The following CHP1 variants were observed in gnomAD, a reference collection of about 807,000 sequenced individuals.
CHP1 encodes the protein calcineurin like EF-hand protein 1, also known as calcineurin B homologous protein 1.
Under a neutral mutation model 27.4 loss-of-function variants are expected in CHP1, and 11 were observed. The observed-to-expected ratio is 0.40, with a 90% confidence interval of 0.25 to 0.67. CHP1 has a LOEUF of 0.67. Ranked by LOEUF, CHP1 falls within the 30% of genes least tolerant of loss-of-function variation. The pLI, the probability that CHP1 is intolerant of heterozygous loss-of-function variation, is 0.38. For missense variants in CHP1, 169 were observed against 251.3 expected (o/e 0.67, Z 2.22); for synonymous variants, 89 against 87.4 (o/e 1.02, Z -0.10).
chr15:41,252,165 G>C (rs1049845515), intron 2 of CHP1, among the ~76,000 whole-genome samples: 15 of 151,626 alleles, frequency 9.9e-5, no homozygotes, highest in African/African-American at 3.6e-4. Context: ...AAAATGGAAA[G>C]CTGTATTTTC....
In CHP1 at chr15:41,231,280, G is replaced by A. The variant is rs950552107; in HGVS notation, c.-103G>A. 1 of 1,179,922 alleles carries A rather than the reference G, an allele frequency of 8.5e-7. No individual in the cohort carries two copies. The highest frequency in any genetic ancestry group is 1.2e-6 in the Non-Finnish European group (1 of 814,736). 73.1% of individuals were successfully genotyped at this position (1,179,922 alleles called of 1,614,324 possible). Reference sequence around the variant, plus strand: ...CTCCCGGGTCCGCAGTGGAAACACTGCCCTCTCCCTTCTTGACCCCTAGCC... The same window carrying A: ...CTCCCGGGTCCGCAGTGGAAACACTACCCTCTCCCTTCTTGACCCCTAGCC... On this transcript the variant is annotated 5_prime_UTR_variant, in exon 1 of 7. Coordinates refer to ENST00000334660, the MANE Select transcript of CHP1 (RefSeq NM_007236.5).
intron 2 of CHP1, among the ~76,000 whole-genome samples, chr15:41,252,919 T>C (rs918781411): frequency 8.6e-5 from 13 of 150,674 alleles, no homozygotes; most frequent in African/African-American, 2.4e-4. Flanking sequence ...AAATCTGTAT[T>C]TCACATGGTT....
At chr15:41,273,567 G>A (rs1444484488) in intron 5 of CHP1, among the ~76,000 whole-genome samples, 2 of 151,826 alleles carry the variant, frequency 1.3e-5, no homozygotes, top group Non-Finnish European at 2.9e-5. Flanking sequence ...TTTTAGTAGA[G>A]ACGGGGTTTC....
At chr15:41,234,310 TA>T (rs903868781) in intron 1 of CHP1, 18 of 152,176 alleles carry the variant, frequency 1.2e-4, no homozygotes, top group African/African-American at 4.3e-4. Flanking sequence ...TTTTGAAGAA[TA>T]AAAACGGATA....
intron 1 of CHP1, among the ~76,000 whole-genome samples, chr15:41,235,515 G>A (rs1310410750): frequency 1.3e-5 from 2 of 151,864 alleles, no homozygotes; most frequent in Admixed American, 6.6e-5. Flanking sequence ...AACAGACCCT[G>A]TCTCAAAAAA....
intron 3 of CHP1, among the ~76,000 whole-genome samples, chr15:41,258,574 A>G (rs2047414774): frequency 6.6e-6 from 1 of 152,124 alleles, no homozygotes; most frequent in Non-Finnish European, 1.5e-5. Context: ...TTCTCACCAC[A>G]TATGCTTTGT....
intron 4 of CHP1, among the ~76,000 whole-genome samples, chr15:41,264,410 T>G (rs2047450243): frequency 6.6e-6 from 1 of 152,078 alleles, no homozygotes; most frequent in Non-Finnish European, 1.5e-5. Context: ...AATAACAAAG[T>G]GCTATGCAGG....
intron 2 of CHP1, among the ~76,000 whole-genome samples, chr15:41,252,746 G>A (rs2047376288): frequency 6.6e-6 from 1 of 151,910 alleles, no homozygotes; most frequent in Non-Finnish European, 1.5e-5. Context: ...CTCCCCATTG[G>A]AAATTTCTTG....
chr15:41,231,695 G>T (rs1199667805), intron 1 of CHP1, among the ~76,000 whole-genome samples: 2 of 151,952 alleles, frequency 1.3e-5, no homozygotes, highest in Non-Finnish European at 2.9e-5. Context: ...GTAGAGCGTC[G>T]ACGCCCCCCT....
intron 5 of CHP1, among the ~76,000 whole-genome samples, chr15:41,274,446 A>C (rs2047508647): frequency 6.6e-6 from 1 of 152,122 alleles, no homozygotes; most frequent in Non-Finnish European, 1.5e-5. Context: ...TTTTTGAGAC[A>C]GTCTCACTAC....
intron 1 of CHP1, among the ~76,000 whole-genome samples, chr15:41,238,633 G>A (rs1460928946): frequency 3.3e-5 from 5 of 151,208 alleles, no homozygotes; most frequent in Admixed American, 1.3e-4. Context: ...GAGGTCGGGA[G>A]ATCGAGATCA....
chr15:41,245,479 TCAAA>T (rs768071299), intron 2 of CHP1, among the ~76,000 whole-genome samples: 1 of 152,206 alleles, frequency 6.6e-6, no homozygotes, highest in African/African-American at 2.4e-5. Context: ...AGACTTTGTC[TCAAA>T]CAAACAAACT....
chr15:41,276,907 C>T (rs1251440459), intron 5 of CHP1, among the ~76,000 whole-genome samples: 2 of 152,186 alleles, frequency 1.3e-5, no homozygotes, highest in Non-Finnish European at 2.9e-5. Flanking sequence ...ATTCTGTGTT[C>T]CTGCCCTGGC....
intron 5 of CHP1, among the ~76,000 whole-genome samples, chr15:41,276,948 T>C (rs1011515705): frequency 7.2e-5 from 11 of 152,130 alleles, no homozygotes; most frequent in Admixed American, 2.6e-4. Flanking sequence ...ACCTCATGGC[T>C]CCAGGGTGGC....
chr15:41,266,049 C>T (rs183830444), intron 4 of CHP1, among the ~76,000 whole-genome samples: 36 of 152,130 alleles, frequency 2.4e-4, no homozygotes, highest in Admixed American at 7.9e-4. Flanking sequence ...TTTGGGAGGC[C>T]GAGGTGGGTG....
At chr15:41,246,130 C>G (rs73402992) in intron 2 of CHP1, among the ~76,000 whole-genome samples, 1 of 152,134 alleles carries the variant, frequency 6.6e-6, no homozygotes, top group African/African-American at 2.4e-5. Flanking sequence ...AATTTTAGCT[C>G]CAATACTTAA....
At chr15:41,256,710 C>T in intron 2 of CHP1, 200 bp from the exon 3 acceptor site, 1 of 572,596 alleles carries the variant, frequency 1.7e-6, no homozygotes, top group Non-Finnish European at 3.1e-6. Flanking sequence ...AAATCTGGCT[C>T]CTTCCACTTC....
At chr15:41,269,445 CTAA>C (rs1043987143) in intron 4 of CHP1, among the ~76,000 whole-genome samples, 17 of 152,054 alleles carry the variant, frequency 1.1e-4, no homozygotes, top group Non-Finnish European at 1.9e-4. Context: ...GCCTTTGTGC[CTAA>C]TAATCGCTCT....
Position 41,252,926 on chromosome 15 carries a change from GGT to G in CHP1, c.141-3983_141-3982del, listed in dbSNP as rs1491324697. ...ATCCACACAAATCTGTATTTCACAT[GGT>G]TTTTTTTTTTTTTTTTTTTTTTTTT... On this transcript the variant is annotated intron_variant, in intron 2 of 6. Transcript: ENST00000334660. 6.9e-3 allele frequency among the ~76,000 whole-genome samples: 756 copies of G among 109,060 alleles called. 33 individuals are homozygous for G. Among genetic ancestry groups the G allele is most frequent in the African/African-American group, 0.024 (709 of 29,440 alleles). The allele number at this position is 109,060 out of a possible 152,430, so 71.5% of individuals were successfully genotyped here. A position where few individuals can be genotyped will look rare whatever the true frequency, so the allele number is the denominator to read the frequency against.
Sources: gnomAD v4.1 joint callset for allele counts (sites outside exome capture counted in the v4.1 genomes callset) on GRCh38, gnomAD v4.1.1 for gene constraint, MANE v1.5 for transcripts, NCBI Gene and HGNC (gene_info 2026-07-23, HGNC 2026-07-21) for gene names.